The following MAGI1 variants were observed in gnomAD, a reference collection of about 807,000 sequenced individuals.
The protein encoded by MAGI1 is membrane associated guanylate kinase, WW and PDZ domain containing 1, also known as membrane-associated guanylate kinase, WW and PDZ domain-containing protein 1.
MAGI1 carries 58 observed loss-of-function variants against 139.9 expected under a neutral mutation model. The observed-to-expected ratio is 0.41, with a 90% CI of 0.34 to 0.52. The LOEUF (loss-of-function observed/expected upper bound fraction) is 0.52, where lower values mean the gene tolerates loss of function less well. MAGI1 is among the 20% of genes least tolerant of loss of function. The pLI, the probability that MAGI1 is intolerant of heterozygous loss-of-function variation, is 0.12. For missense variants in MAGI1, 1,874 were observed against 1,901.6 expected (o/e 0.99, Z 0.27); for synonymous variants, 812 against 737.9 (o/e 1.10, Z -1.63).
intron 1 of MAGI1, among the ~76,000 whole-genome samples, chr3:65,735,356 CGTGTGTGTGTGT>C (rs368243061): frequency 6.8e-6 from 1 of 148,078 alleles, no homozygotes; most frequent in Admixed American, 6.7e-5. Context: ...TGTGTCTGCA[CGTGTGTGTGTGT>C]GTGTGTGTGT....
intron 2 of MAGI1, among the ~76,000 whole-genome samples, chr3:65,547,167 C>T (rs923969173): frequency 2.0e-5 from 3 of 152,156 alleles, no homozygotes; most frequent in African/African-American, 7.2e-5. Flanking sequence ...GTGTGCCAGG[C>T]TCTGTGCTGT....
chr3:65,990,352 T>C (rs1171103331), intron 1 of MAGI1, among the ~76,000 whole-genome samples: 1 of 152,158 alleles, frequency 6.6e-6, no homozygotes, highest in East Asian at 1.9e-4. Context: ...AACATCTAAA[T>C]CAACCGCTCA....
chr3:65,678,636 C>G (rs1215370087), intron 1 of MAGI1, among the ~76,000 whole-genome samples: 2 of 152,198 alleles, frequency 1.3e-5, no homozygotes, highest in African/African-American at 4.8e-5. Context: ...ATCTGGTTAA[C>G]TGACACTAAC....
At chr3:65,966,279 T>C (rs1171443662) in intron 1 of MAGI1, among the ~76,000 whole-genome samples, 1 of 152,158 alleles carries the variant, frequency 6.6e-6, no homozygotes, top group African/African-American at 2.4e-5. Context: ...GAATTGGAAA[T>C]ACTAATGGAA....
intron 12 of MAGI1, chr3:65,401,951 CTT>C: frequency 1.1e-6 from 1 of 948,238 alleles, no homozygotes; most frequent in Non-Finnish European, 1.3e-6. Flanking sequence ...TTGGTCTTTT[CTT>C]TTTTTTTCCT....
At chr3:65,427,393 T>C (rs1336044086) in intron 12 of MAGI1, among the ~76,000 whole-genome samples, 2 of 152,232 alleles carry the variant, frequency 1.3e-5, no homozygotes, top group Non-Finnish European at 2.9e-5. Context: ...CATTACAATA[T>C]GGTTCTAATA....
chr3:65,943,714 C>A (rs1010552910), intron 1 of MAGI1, among the ~76,000 whole-genome samples: 9 of 152,178 alleles, frequency 5.9e-5, no homozygotes, highest in Admixed American at 5.2e-4. Context: ...GATTTCACTA[C>A]AGTCACTAAT....
At chr3:65,449,838 T>C (rs1401588745) in intron 6 of MAGI1, among the ~76,000 whole-genome samples, 1 of 151,974 alleles carries the variant, frequency 6.6e-6, no homozygotes, top group Non-Finnish European at 1.5e-5. Flanking sequence ...CTCACACAAA[T>C]AAAACTAAAA....
intron 12 of MAGI1, among the ~76,000 whole-genome samples, chr3:65,405,237 T>C (rs1045491412): frequency 6.6e-6 from 1 of 152,196 alleles, no homozygotes; most frequent in Non-Finnish European, 1.5e-5. Flanking sequence ...AAAAAACGAA[T>C]GGCAAATTCT....
chr3:65,812,055 G>C (rs1559906235), intron 1 of MAGI1, among the ~76,000 whole-genome samples: 1 of 151,954 alleles, frequency 6.6e-6, no homozygotes, highest in Non-Finnish European at 1.5e-5. Flanking sequence ...GTAATCTCAT[G>C]ATCTCTGCAT....
chr3:65,953,504 G>T (rs1051123409), intron 1 of MAGI1, among the ~76,000 whole-genome samples: 2 of 152,132 alleles, frequency 1.3e-5, no homozygotes, highest in Non-Finnish European at 2.9e-5. Context: ...CGGAAACCTG[G>T]GTCCCTCCGA....
At chr3:65,715,972 T>C (rs1041110379) in intron 1 of MAGI1, among the ~76,000 whole-genome samples, 1 of 152,210 alleles carries the variant, frequency 6.6e-6, no homozygotes. Context: ...TTTGTTGAAG[T>C]AGAGCTTTCA....
chr3:65,365,116 AG>A (rs1358312738), intron 18 of MAGI1, 170 bp from the exon 19 acceptor site: 1 of 764,896 alleles, frequency 1.3e-6, no homozygotes, highest in Non-Finnish European at 2.4e-6. Context: ...AACCATTTTA[AG>A]ATCTTCTCTG....
intron 5 of MAGI1, among the ~76,000 whole-genome samples, chr3:65,463,558 ATGTGTGTGTGTGTGTGTGTGTGTG>A (rs56135171): frequency 7.1e-5 from 10 of 140,748 alleles, no homozygotes; most frequent in East Asian, 2.2e-4. Flanking sequence ...TTGGCCTGAA[ATGTGTGTGTGTGTGTGTGTGTGTG>A]TGTGTGTGTG....
At chr3:65,385,895 G>A (rs1329680824) in intron 14 of MAGI1, among the ~76,000 whole-genome samples, 1 of 152,170 alleles carries the variant, frequency 6.6e-6, no homozygotes, top group Admixed American at 6.5e-5. Context: ...TAGCCTCAAT[G>A]AAACAACAAA....
intron 1 of MAGI1, among the ~76,000 whole-genome samples, chr3:65,838,058 G>A (rs1447311281): frequency 6.6e-6 from 1 of 152,140 alleles, no homozygotes; most frequent in African/African-American, 2.4e-5. Flanking sequence ...CAATATTTGT[G>A]TATGAGTTCT....
At chr3:65,743,744 G>A (rs1293990712) in intron 1 of MAGI1, among the ~76,000 whole-genome samples, 5 of 151,250 alleles carry the variant, frequency 3.3e-5, no homozygotes, top group Middle Eastern at 3.2e-3. Context: ...AAGTCTATTC[G>A]TGTCACTAAG....
chr3:66,029,323 C>G (rs1005024197), intron 1 of MAGI1, among the ~76,000 whole-genome samples: 1 of 152,094 alleles, frequency 6.6e-6, no homozygotes, highest in Admixed American at 6.5e-5. Context: ...CCATCATGCC[C>G]CTGTCCATAA....
intron 5 of MAGI1, among the ~76,000 whole-genome samples, chr3:65,462,874 G>T (rs1394092013): frequency 6.6e-6 from 1 of 152,064 alleles, no homozygotes; most frequent in African/African-American, 2.4e-5. Flanking sequence ...TATTCTCTTT[G>T]TAGCCATTGT....
Sources: gnomAD v4.1 joint callset for allele counts (sites outside exome capture counted in the v4.1 genomes callset) on GRCh38, gnomAD v4.1.1 for gene constraint, MANE v1.5 for transcripts, NCBI Gene and HGNC (gene_info 2026-07-23, HGNC 2026-07-21) for gene names.